Variants in TMC7 observed in about 807,000 individuals in gnomAD.
TMC7 encodes the protein transmembrane channel-like protein 7.
TMC7 carries 54 observed loss-of-function variants against 82.9 expected under a neutral mutation model. That is an observed-to-expected ratio of 0.65 (90% CI 0.52 to 0.82). The LOEUF (loss-of-function observed/expected upper bound fraction) is 0.82. Among genes scored for constraint, TMC7 ranks in the 40% least tolerant of loss-of-function variants. TMC7 has a pLI of 0.00. For missense variants in TMC7, 820 were observed against 901.2 expected, an observed-to-expected ratio of 0.91 and a Z score of 1.15; for synonymous variants, 350 against 337.9, an observed-to-expected ratio of 1.04 and a Z score of -0.39.
chr16:19,059,960 G>C, intron 15 of TMC7: 1 of 349,976 alleles, frequency 2.9e-6, no homozygotes. Context: ...CTGGGTGACA[G>C]AGTGAGACTC....
chr16:19,056,785 T>A, intron 14 of TMC7, 88 bp downstream of exon 14: 2 of 1,431,404 alleles, frequency 1.4e-6, no homozygotes, highest in Non-Finnish European at 1.9e-6. Flanking sequence ...ACCCTAGACT[T>A]GACAAGTTAC....
chr16:19,005,576 G>T (rs548753123), intron 1 of TMC7, among the ~76,000 whole-genome samples: 2 of 152,310 alleles, frequency 1.3e-5, no homozygotes, highest in African/African-American at 4.8e-5. Context: ...TCCTGGGGTG[G>T]CTTGGCTGGT....
rs771759348 is a variant in TMC7 at position 19,047,051 on chromosome 16, G to C, written c.1554-12G>C. The stretch of plus-strand genomic sequence containing the variant: ...GACACCAGTAGCCCAAATGAGAATT[G>C]TCTGTTTCCAGGCTCCTGGTGACCT... On this transcript the variant is annotated splice_polypyrimidine_tract_variant and intron_variant, in intron 11 of 15. Coordinates refer to ENST00000304381, the MANE Select transcript of TMC7 (RefSeq NM_024847.4). 1 of 1,593,196 alleles carries C rather than the reference G, an allele frequency of 6.3e-7. No individual in the cohort carries two copies.
intron 7 of TMC7, 82 bp from the exon 8 acceptor site, chr16:19,037,792 G>A (rs555923839): frequency 9.2e-6 from 13 of 1,419,538 alleles, no homozygotes; most frequent in African/African-American, 7.1e-5. Context: ...AAAGATGGAT[G>A]GGGAGAGAAT....
rs187442997 is a variant in TMC7 at position 19,004,958 on chromosome 16, C to T, written c.68-4214C>T. ...GCTCAAGCAATCCTCCTGCTTTAGC[C>T]TCCCAAAGTAGCTGAGACCACACCA... On this transcript the variant is annotated intron_variant, in intron 1 of 15. Coordinates refer to ENST00000304381, the MANE Select transcript of TMC7 (RefSeq NM_024847.4). 7.4e-4 allele frequency among the ~76,000 whole-genome samples: 112 copies of T among 152,036 alleles called. 2 individuals are homozygous for T. Among genetic ancestry groups the T allele is most frequent in the South Asian group, 8.3e-4 (4 of 4,816 alleles).
At chr16:19,020,819 T>C (rs1433892678) in intron 3 of TMC7, among the ~76,000 whole-genome samples, 1 of 151,558 alleles carries the variant, frequency 6.6e-6, no homozygotes, top group Non-Finnish European at 1.5e-5. Flanking sequence ...GCCACTGCAC[T>C]CCACCCTGGG....
intron 4 of TMC7, among the ~76,000 whole-genome samples, chr16:19,022,897 A>G (rs1050408309): frequency 1.3e-5 from 2 of 152,102 alleles, no homozygotes; most frequent in Admixed American, 1.3e-4. Flanking sequence ...GTGAATGCCT[A>G]TGATCCCAGC....
intron 15 of TMC7, chr16:19,059,789 C>G: frequency 2.1e-6 from 2 of 959,162 alleles, no homozygotes; most frequent in Non-Finnish European, 3.1e-6. Flanking sequence ...CCAGCCTGGC[C>G]AACATGGTGA....
chr16:19,041,560 T>C (rs1255776829), intron 9 of TMC7, among the ~76,000 whole-genome samples: 1 of 151,944 alleles, frequency 6.6e-6, no homozygotes, highest in Non-Finnish European at 1.5e-5. Context: ...TTAGTAGAGA[T>C]GGGGTTTCAC....
intron 15 of TMC7, chr16:19,059,966 G>T: frequency 3.0e-6 from 1 of 335,742 alleles, no homozygotes; most frequent in Non-Finnish European, 5.7e-6. Context: ...GACAGAGTGA[G>T]ACTCCATCTT....
intron 15 of TMC7, among the ~76,000 whole-genome samples, chr16:19,061,192 A>ACGGGGTTT (rs1362150521): frequency 6.6e-6 from 1 of 151,890 alleles, no homozygotes; most frequent in African/African-American, 2.4e-5. Context: ...TTTAGTAGAG[A>ACGGGGTTT]CGGGGTTTCG....
chr16:19,024,200 G>A (rs1319027290), intron 5 of TMC7, among the ~76,000 whole-genome samples: 2 of 152,196 alleles, frequency 1.3e-5, no homozygotes, highest in Non-Finnish European at 2.9e-5. Flanking sequence ...AGAGGCCGAG[G>A]CAGGAGGATT....
At chr16:18,993,527 C>T (rs527451250) in intron 1 of TMC7, among the ~76,000 whole-genome samples, 14 of 152,218 alleles carry the variant, frequency 9.2e-5, no homozygotes, top group Admixed American at 7.9e-4. Context: ...AAAAACGGGC[C>T]ATGAGGGACA....
At chr16:19,008,147 C>T (rs1199422253) in intron 1 of TMC7, among the ~76,000 whole-genome samples, 2 of 152,192 alleles carry the variant, frequency 1.3e-5, no homozygotes, top group African/African-American at 4.8e-5. Flanking sequence ...GCCCCCTCTT[C>T]TCCCTGAGTC....
At position 19,054,819 on chromosome 16, in the gene TMC7, A is replaced by G. The variant is rs201704321; in HGVS notation, c.1872-1723A>G. On this transcript the variant is annotated intron_variant, in intron 13 of 15. Coordinates refer to ENST00000304381, the MANE Select transcript of TMC7 (RefSeq NM_024847.4). ...GAGTGCAGTGTCACCATCTTGGCTC[A>G]TTGCAACCTCCGTCTCCCAGGTTCA... is the stretch of plus-strand genomic sequence containing the variant. Among the ~76,000 whole-genome samples the G allele has an allele frequency of 3.9e-5, 5 of 128,770 alleles. No individual in the cohort carries two copies. The East Asian group carries it at 1.2e-3, about 31-fold the overall frequency. The allele number at this position is 128,770 out of a possible 152,430, so 84.5% of individuals were successfully genotyped here. A position where few individuals can be genotyped will look rare whatever the true frequency, so the allele number is the denominator to read the frequency against.
chr16:19,013,609 G>C (rs538356858), intron 2 of TMC7, among the ~76,000 whole-genome samples: 2 of 151,786 alleles, frequency 1.3e-5, no homozygotes, highest in Non-Finnish European at 2.9e-5. Context: ...CCTCTGCCTC[G>C]CGGGTTTCAG....
At chr16:19,039,791 A>T (rs909427939) in intron 8 of TMC7, among the ~76,000 whole-genome samples, 1 of 152,058 alleles carries the variant, frequency 6.6e-6, no homozygotes, top group Non-Finnish European at 1.5e-5. Flanking sequence ...CTTCCTGCAC[A>T]GTACTAGATA....
intron 1 of TMC7, among the ~76,000 whole-genome samples, chr16:18,985,203 G>A (rs1339438735): frequency 1.3e-5 from 2 of 151,302 alleles, no homozygotes; most frequent in East Asian, 3.9e-4. Flanking sequence ...AGGTTGCAGT[G>A]AGCCGAGATT....
chr16:19,007,236 C>T (rs2039256406), intron 1 of TMC7, among the ~76,000 whole-genome samples: 1 of 152,130 alleles, frequency 6.6e-6, no homozygotes, highest in African/African-American at 2.4e-5. Context: ...TTGTCCTAGG[C>T]AGTTGGACTT....
Sources: gnomAD v4.1 joint callset for allele counts (sites outside exome capture counted in the v4.1 genomes callset) on GRCh38, gnomAD v4.1.1 for gene constraint, MANE v1.5 for transcripts, NCBI Gene and HGNC (gene_info 2026-07-23, HGNC 2026-07-21) for gene names.